XRN2: variants seen among roughly 807,000 people sequenced by gnomAD.
XRN2 encodes 5'-3' exoribonuclease 2, also known as DHM1-like protein.
A neutral mutation model predicts 138.5 loss-of-function variants in XRN2; 44 were observed. That is an observed-to-expected ratio of 0.32 (90% CI 0.25 to 0.41). The LOEUF (loss-of-function observed/expected upper bound fraction) is 0.41. Ranked by LOEUF, XRN2 falls within the 10% of genes least tolerant of loss-of-function variation. The probability of loss-of-function intolerance (pLI) is 1.00; values close to 1 mark genes in which losing one functional copy is unlikely to be tolerated. For synonymous variants in XRN2, 354 were observed against 369.4 expected, an observed-to-expected ratio of 0.96 and a Z score of 0.48; for missense variants, 937 against 1,169.3, an observed-to-expected ratio of 0.80 and a Z score of 2.90.
rs151222904 is a variant in XRN2, at chr20:21,372,326, C to G, written c.2584+3736C>G. 2.1e-4 allele frequency among the ~76,000 whole-genome samples: 32 copies of G among 152,178 alleles called. No individual in the cohort carries two copies. In the East Asian group the frequency reaches 5.8e-3, roughly 28 times the overall value. ...CAACAAGTGGGGAATTTGGGCTCCT[C>G]TAGGCTGAGAGAAAATTATGAGCTT... On this transcript the variant is annotated intron_variant, in intron 27 of 29. Transcript: ENST00000377191.
At chr20:21,345,288 C>T (rs1275248777) in intron 16 of XRN2, among the ~76,000 whole-genome samples, 2 of 152,098 alleles carry the variant, frequency 1.3e-5, no homozygotes, top group Non-Finnish European at 2.9e-5. Flanking sequence ...TAGAGGAAAT[C>T]ATTGTTTAAT....
chr20:21,349,463 T>G lies in XRN2; in HGVS notation c.1936+2T>G. On this transcript the variant is annotated splice_donor_variant, in intron 20 of 29. Coordinates refer to ENST00000377191, the MANE Select transcript of XRN2 (RefSeq NM_012255.5). LOFTEE classifies it high-confidence loss of function. The stretch of plus-strand genomic sequence containing the variant: ...ATGGGAAGAAATATGCATGGCAAGG[T>G]AAAATTTAGACGTTCTTTTCTGGTA... 1 of 1,598,084 alleles carries G rather than the reference T, an allele frequency of 6.3e-7. No homozygotes were observed. The highest frequency in any genetic ancestry group is 8.6e-7 in the Non-Finnish European group (1 of 1,166,522).
At chr20:21,370,016 TTTTA>T (rs2038743926) in intron 27 of XRN2, among the ~76,000 whole-genome samples, 1 of 152,176 alleles carries the variant, frequency 6.6e-6, no homozygotes, top group Non-Finnish European at 1.5e-5. Flanking sequence ...TTTAAACTAT[TTTTA>T]TTTGATTTTT....
chr20:21,350,483 A>ATG (rs2122259523), intron 20 of XRN2, among the ~76,000 whole-genome samples: 1 of 125,890 alleles, frequency 7.9e-6, no homozygotes, highest in South Asian at 2.9e-4. Context: ...TCGAGATAGC[A>ATG]CCACTGCACT....
chr20:21,348,096 A>T, intron 17 of XRN2, 50 bp from the exon 18 acceptor site: 1 of 1,522,442 alleles, frequency 6.6e-7, no homozygotes, highest in Admixed American at 2.2e-5. Context: ...AATTGTGTTC[A>T]TCATTAACAT....
intron 13 of XRN2, among the ~76,000 whole-genome samples, chr20:21,335,466 A>G (rs2038272863): frequency 6.6e-6 from 1 of 152,212 alleles, no homozygotes; most frequent in Non-Finnish European, 1.5e-5. Flanking sequence ...TACTGTAGCT[A>G]GTGATCTCTT....
chr20:21,357,867 G>A (rs1294406507), intron 24 of XRN2, 75 bp downstream of exon 24: 1 of 1,283,186 alleles, frequency 7.8e-7, no homozygotes, highest in Non-Finnish European at 1.1e-6. Flanking sequence ...AAAGACCTTT[G>A]ATTCACAAGG....
intron 14 of XRN2, among the ~76,000 whole-genome samples, chr20:21,339,839 T>C (rs1015445132): frequency 2.6e-5 from 4 of 152,190 alleles, no homozygotes; most frequent in Non-Finnish European, 4.4e-5. Context: ...TGTTTTCTTA[T>C]CTTCCCTACT....
chr20:21,366,288 C>T (rs981822723), intron 26 of XRN2, among the ~76,000 whole-genome samples: 2 of 144,962 alleles, frequency 1.4e-5, no homozygotes, highest in Non-Finnish European at 3.0e-5. Flanking sequence ...TGGCTCGCTC[C>T]TGTAATCCCA....
intron 1 of XRN2, among the ~76,000 whole-genome samples, chr20:21,315,680 GAC>G (rs2037949394): frequency 6.6e-6 from 1 of 152,064 alleles, no homozygotes; most frequent in African/African-American, 2.4e-5. Flanking sequence ...TTTGGGTTGA[GAC>G]AGGGTTTTGC....
intron 27 of XRN2, 61 bp from the exon 28 acceptor site, chr20:21,381,933 G>T: frequency 1.5e-6 from 2 of 1,354,082 alleles, no homozygotes; most frequent in East Asian, 2.4e-5. Context: ...ATAAAATATT[G>T]GGTAGTTGAA....
chr20:21,332,477 A>G (rs762809817), intron 9 of XRN2, 37 bp downstream of exon 9: 1 of 1,542,264 alleles, frequency 6.5e-7, no homozygotes, highest in African/African-American at 1.4e-5. Flanking sequence ...TCATTAAAAA[A>G]AAAAATCTAT....
chr20:21,316,415 C>T (rs1024327732), intron 1 of XRN2, among the ~76,000 whole-genome samples: 31 of 152,222 alleles, frequency 2.0e-4, no homozygotes, highest in African/African-American at 7.2e-4. Flanking sequence ...AGTTTTATAG[C>T]TTTAGCTCTT....
At chr20:21,312,096 T>C (rs1400824756) in intron 1 of XRN2, among the ~76,000 whole-genome samples, 3 of 152,118 alleles carry the variant, frequency 2.0e-5, no homozygotes, top group Admixed American at 6.5e-5. Flanking sequence ...TTAAGTCTTA[T>C]GCCTTCTTTT....
intron 27 of XRN2, among the ~76,000 whole-genome samples, chr20:21,381,058 T>C (rs992915461): frequency 5.9e-5 from 9 of 152,226 alleles, no homozygotes; most frequent in Non-Finnish European, 1.2e-4. Context: ...AAAAACCATA[T>C]ATATTTTTGG....
rs114549548 is a variant in XRN2 at position 21,334,106 on chromosome 20, A to G, written c.1154A>G (p.Asn385Ser). 51 of 1,614,036 alleles carry G rather than the reference A, an allele frequency of 3.2e-5. No individual in the cohort carries two copies. Among genetic ancestry groups the G allele is most frequent in the African/African-American group, 5.3e-5 (4 of 75,066 alleles). ...TACCTTACAGAAAGTGGTTATGTCA[A>G]TCTGCAAAGAGTACAGATGATCATG... is the stretch of plus-strand genomic sequence containing the variant. ...GGYLTESGYV[N>S]LQRVQMIMLA... The change falls in exon 13 of 30, where the codon AAT becomes AGT. Residue 385 changes from asparagine (N) to serine (S), a missense_variant. Coordinates refer to ENST00000377191, the MANE Select transcript of XRN2 (RefSeq NM_012255.5).
At chr20:21,341,381 G>T (rs2038370175) in intron 15 of XRN2, among the ~76,000 whole-genome samples, 1 of 152,212 alleles carries the variant, frequency 6.6e-6, no homozygotes, top group African/African-American at 2.4e-5. Context: ...GCATGGAATA[G>T]ATCTAAATAA....
chr20:21,303,757 A>C (rs1213165727), intron 1 of XRN2: 1 of 1,191,970 alleles, frequency 8.4e-7, no homozygotes, highest in Admixed American at 4.7e-5. Context: ...CGGCACCGGA[A>C]GGCCCCGCCC....
chr20:21,327,414 T>C (rs564356779), intron 3 of XRN2, among the ~76,000 whole-genome samples: 4 of 152,338 alleles, frequency 2.6e-5, no homozygotes, highest in African/African-American at 9.6e-5. Flanking sequence ...TCCTAGCGGC[T>C]AATGGGATGA....
Sources: gnomAD v4.1 joint callset for allele counts (sites outside exome capture counted in the v4.1 genomes callset) on GRCh38, gnomAD v4.1.1 for gene constraint, MANE v1.5 for transcripts, NCBI Gene and HGNC (gene_info 2026-07-23, HGNC 2026-07-21) for gene names.